Variants in KIF16B observed in about 807,000 individuals in gnomAD.
KIF16B encodes the protein kinesin family member 16B.
In KIF16B, 98 loss-of-function variants were observed where a neutral mutation model predicts 156.3. That is an observed-to-expected ratio of 0.63 (90% CI 0.53 to 0.74). KIF16B has a LOEUF of 0.74. Ranked by LOEUF, KIF16B falls within the 30% of genes least tolerant of loss-of-function variation. The probability of loss-of-function intolerance (pLI) is 0.00; values close to 1 mark genes in which losing one functional copy is unlikely to be tolerated. For synonymous variants in KIF16B, 564 were observed against 583.7 expected, an observed-to-expected ratio of 0.97 and a Z score of 0.49; for missense variants, 1,421 against 1,606.5, an observed-to-expected ratio of 0.88 and a Z score of 1.97.
intron 15 of KIF16B, among the ~76,000 whole-genome samples, chr20:16,424,997 A>G (rs1269712161): frequency 6.6e-6 from 1 of 152,162 alleles, no homozygotes; most frequent in Non-Finnish European, 1.5e-5. Flanking sequence ...ATATAAACAG[A>G]TATAGAAGTA....
chr20:16,447,756 C>A (rs2066972491), intron 12 of KIF16B, among the ~76,000 whole-genome samples: 1 of 152,250 alleles, frequency 6.6e-6, no homozygotes, highest in South Asian at 2.1e-4. Flanking sequence ...TTCAATATTT[C>A]TAACAAACTA....
At chr20:16,478,428 C>A (rs960065254) in intron 12 of KIF16B, among the ~76,000 whole-genome samples, 1 of 152,170 alleles carries the variant, frequency 6.6e-6, no homozygotes, top group Non-Finnish European at 1.5e-5. Flanking sequence ...AATAGTCCCC[C>A]TTTATCCACG....
chr20:16,567,844 C>T (rs1265724042), intron 1 of KIF16B, among the ~76,000 whole-genome samples: 2 of 151,902 alleles, frequency 1.3e-5, no homozygotes, highest in South Asian at 2.1e-4. Flanking sequence ...CCCAGCTACT[C>T]GGGAGGCTGA....
intron 17 of KIF16B, among the ~76,000 whole-genome samples, chr20:16,394,323 A>G (rs996096076): frequency 6.6e-6 from 1 of 152,252 alleles, no homozygotes; most frequent in African/African-American, 2.4e-5. Context: ...CATCAGTTAA[A>G]GTGGCTCACA....
At chr20:16,535,764 A>G (rs1048495634) in intron 1 of KIF16B, among the ~76,000 whole-genome samples, 2 of 152,218 alleles carry the variant, frequency 1.3e-5, no homozygotes, top group Non-Finnish European at 1.5e-5. Context: ...ACTAATTATC[A>G]GGGAAATGCA....
At chr20:16,323,045 A>T (rs577576768) in intron 24 of KIF16B, among the ~76,000 whole-genome samples, 1 of 152,210 alleles carries the variant, frequency 6.6e-6, no homozygotes, top group South Asian at 2.1e-4. Context: ...CTGGGTTATA[A>T]ATCACTGAAA....
At chr20:16,427,732 T>A (rs1352477353) in intron 14 of KIF16B, among the ~76,000 whole-genome samples, 1 of 152,106 alleles carries the variant, frequency 6.6e-6, no homozygotes, top group Middle Eastern at 3.4e-3. Context: ...ACATGAATCT[T>A]GAAAAGCCCA....
intron 25 of KIF16B, among the ~76,000 whole-genome samples, chr20:16,293,928 G>A (rs1042866413): frequency 2.6e-5 from 4 of 151,966 alleles, no homozygotes; most frequent in African/African-American, 7.3e-5. Flanking sequence ...GGCTGCGGGG[G>A]GTGCATGCTG....
chr20:16,468,575 C>CAAAAAA (rs550510241), intron 12 of KIF16B, among the ~76,000 whole-genome samples: 1 of 35,844 alleles, frequency 2.8e-5, no homozygotes, highest in African/African-American at 1.0e-4. Context: ...GACTCCGTCT[C>CAAAAAA]AAAAAAAAAA....
intron 12 of KIF16B, among the ~76,000 whole-genome samples, chr20:16,456,620 C>G (rs2067218909): frequency 1.3e-5 from 2 of 152,086 alleles, no homozygotes; most frequent in Admixed American, 1.3e-4. Flanking sequence ...AAGTAATTTA[C>G]CCAAATTACA....
chr20:16,535,069 T>C (rs1317820259), intron 1 of KIF16B, among the ~76,000 whole-genome samples: 1 of 152,086 alleles, frequency 6.6e-6, no homozygotes, highest in Non-Finnish European at 1.5e-5. Context: ...TGCACTGAAA[T>C]TGTAGATTGC....
intron 12 of KIF16B, among the ~76,000 whole-genome samples, chr20:16,464,818 G>A (rs1028539): frequency 0.24 from 36,224 of 152,002 alleles, 4,456 homozygotes; most frequent in South Asian, 0.29. Context: ...CATCCCAACC[G>A]CCTAAAAGTG....
At chr20:16,350,928 C>T (rs373463847) in intron 23 of KIF16B, among the ~76,000 whole-genome samples, 1 of 151,644 alleles carries the variant, frequency 6.6e-6, no homozygotes. Flanking sequence ...CTGACAAGGG[C>T]CCTGGGAGCT....
chr20:16,548,342 C>T (rs1437671390), intron 1 of KIF16B, among the ~76,000 whole-genome samples: 1 of 152,164 alleles, frequency 6.6e-6, no homozygotes, highest in African/African-American at 2.4e-5. Flanking sequence ...GCACTACCAG[C>T]CCAGGCTGCA....
At chr20:16,508,542 T>C (rs1244237322) in intron 6 of KIF16B, among the ~76,000 whole-genome samples, 3 of 152,150 alleles carry the variant, frequency 2.0e-5, no homozygotes, top group Non-Finnish European at 4.4e-5. Context: ...GCACACAACC[T>C]AGATCCCTCA....
chr20:16,525,433 C>T (rs1176525494), intron 3 of KIF16B, among the ~76,000 whole-genome samples: 2 of 152,122 alleles, frequency 1.3e-5, no homozygotes, highest in Non-Finnish European at 2.9e-5. Context: ...CTTTTCCCCA[C>T]CCCGAGAAAT....
chr20:16,446,643 T>G (rs542479696), intron 12 of KIF16B, among the ~76,000 whole-genome samples: 1 of 152,264 alleles, frequency 6.6e-6, no homozygotes, highest in East Asian at 1.9e-4. Context: ...AATTCAAAAA[T>G]ATATATATGA....
At chr20:16,383,595 T>A (rs1220547810) in intron 17 of KIF16B, among the ~76,000 whole-genome samples, 1 of 152,218 alleles carries the variant, frequency 6.6e-6, no homozygotes, top group African/African-American at 2.4e-5. Context: ...AGGACTTCAT[T>A]AAAATTAAAA....
intron 10 of KIF16B, among the ~76,000 whole-genome samples, chr20:16,503,873 G>T (rs891733062): frequency 6.6e-6 from 1 of 152,122 alleles, no homozygotes; most frequent in Non-Finnish European, 1.5e-5. Flanking sequence ...CGAGGGCCCA[G>T]GGACAGCATT....
Sources: allele counts gnomAD v4.1 joint callset (sites outside exome capture counted in the v4.1 genomes callset), GRCh38; gene constraint gnomAD v4.1.1; transcripts MANE v1.5; gene names NCBI Gene and HGNC (gene_info 2026-07-23, HGNC 2026-07-21).